The following FBXO21 variants were observed in gnomAD, a reference collection of about 807,000 sequenced individuals.
The protein encoded by FBXO21 is F-box only protein 21.
A neutral mutation model predicts 76.6 loss-of-function variants in FBXO21; 32 were observed. The ratio of observed to expected loss-of-function variants is 0.42; its 90% CI spans 0.32 to 0.56. The LOEUF is 0.56. Among genes scored for constraint, FBXO21 ranks in the 20% least tolerant of loss-of-function variants. The pLI is 0.16. For synonymous variants in FBXO21, 328 were observed against 311.5 expected (o/e 1.05, Z -0.56); for missense variants, 586 against 797.3 (o/e 0.73, Z 3.19).
rs192106949 is a variant in FBXO21 at position 117,188,187 on chromosome 12, G to T, written c.375+1040C>A. Among the ~76,000 whole-genome samples the T allele has an allele frequency of 2.5e-3, 382 of 152,290 alleles. 2 individuals are homozygous for T. Among genetic ancestry groups the T allele is most frequent in the African/African-American group, 8.6e-3 (357 of 41,562 alleles). On this transcript the variant is annotated intron_variant, in intron 2 of 11. Transcript: ENST00000622495. The stretch of plus-strand genomic sequence containing the variant: ...AGAAATAAATATCGAATAGTTTGTT[G>T]AACTCAAAACATTAGTGTGGATTAT...
intron 3 of FBXO21, among the ~76,000 whole-genome samples, chr12:117,183,718 T>C (rs889101487): frequency 2.0e-5 from 3 of 152,252 alleles, no homozygotes; most frequent in Non-Finnish European, 4.4e-5. Context: ...TATAGAAGTG[T>C]CTGCTCTTTC....
chr12:117,188,634 A>G (rs1272642483), intron 2 of FBXO21: 1 of 148,794 alleles, frequency 6.7e-6, no homozygotes, highest in Non-Finnish European at 1.5e-5. Flanking sequence ...AAAACCCACC[A>G]TGTATTTCTG....
At chr12:117,173,713 T>C (rs1956141493) in intron 6 of FBXO21, among the ~76,000 whole-genome samples, 1 of 152,168 alleles carries the variant, frequency 6.6e-6, no homozygotes, top group South Asian at 2.1e-4. Context: ...ATATGGAGGA[T>C]ACTCCATGAG....
rs946435960 is a variant in FBXO21 at position 117,158,176 on chromosome 12, G to T, written c.1327-113C>A. 1.5e-5 allele frequency: 18 copies of T among 1,220,952 alleles called. No homozygotes were observed. In the African/African-American group the frequency reaches 2.5e-4, roughly 17 times the overall value. 75.6% of individuals were successfully genotyped at this position (1,220,952 alleles called of 1,614,324 possible). On this transcript the variant is annotated intron_variant, in intron 9 of 11. Coordinates refer to ENST00000622495, the MANE Select transcript of FBXO21 (RefSeq NM_015002.3). ...AACCTAACAAAGCAAAGGACCAAAA[G>T]GGGTGGCTATGCCCTGATCGAACCG...
chr12:117,183,076 AGAGT>A (rs913079699), intron 3 of FBXO21, among the ~76,000 whole-genome samples: 4 of 152,188 alleles, frequency 2.6e-5, no homozygotes, highest in African/African-American at 9.6e-5. Context: ...CTGGGTGACA[AGAGT>A]GAGACTCTGT....
intron 4 of FBXO21, among the ~76,000 whole-genome samples, chr12:117,175,891 A>C (rs1566005296): frequency 6.6e-6 from 1 of 152,244 alleles, no homozygotes; most frequent in Non-Finnish European, 1.5e-5. Flanking sequence ...TTGTATTTAG[A>C]AAATGAAAAA....
intron 8 of FBXO21, 90 bp from the exon 9 acceptor site, chr12:117,165,707 A>T: frequency 7.6e-7 from 1 of 1,312,810 alleles, no homozygotes; most frequent in Non-Finnish European, 1.0e-6. Context: ...AATATAATTG[A>T]CACAAATCCC....
At chr12:117,184,041 T>G (rs1956260001) in intron 3 of FBXO21, among the ~76,000 whole-genome samples, 1 of 152,078 alleles carries the variant, frequency 6.6e-6, no homozygotes, top group South Asian at 2.1e-4. Flanking sequence ...CTGTGCTGTT[T>G]GGATTATAAG....
chr12:117,149,795 T>A (rs1367063629), intron 11 of FBXO21, among the ~76,000 whole-genome samples: 1 of 152,216 alleles, frequency 6.6e-6, no homozygotes, highest in Non-Finnish European at 1.5e-5. Context: ...GTTGGTAACA[T>A]TCGGCTTCTG....
chr12:117,157,705 G>GA (rs138775867), intron 10 of FBXO21, among the ~76,000 whole-genome samples, 168 bp downstream of exon 10: 9,484 of 150,966 alleles, frequency 0.063, 368 homozygotes, highest in East Asian at 0.15. Flanking sequence ...GGTTCAAAAA[G>GA]AAAAAAAAAG....
chr12:117,152,311 C>T (rs1456467528), intron 11 of FBXO21, among the ~76,000 whole-genome samples: 1 of 151,940 alleles, frequency 6.6e-6, no homozygotes, highest in Admixed American at 6.6e-5. Context: ...TACAAAAACA[C>T]AAAAAATAGC....
At chr12:117,161,160 C>T (rs1374043675) in intron 9 of FBXO21, among the ~76,000 whole-genome samples, 1 of 152,090 alleles carries the variant, frequency 6.6e-6, no homozygotes, top group African/African-American at 2.4e-5. Context: ...TGGCCGCACA[C>T]AGGAACCAGG....
chr12:117,182,603 C>A (rs980333433), intron 3 of FBXO21, among the ~76,000 whole-genome samples: 2 of 126,044 alleles, frequency 1.6e-5, no homozygotes, highest in Non-Finnish European at 3.1e-5. Context: ...GAGTCTGTCG[C>A]CCAGGCTGGA....
At chr12:117,158,539 CT>C (rs1955942873) in intron 9 of FBXO21, among the ~76,000 whole-genome samples, 1 of 152,170 alleles carries the variant, frequency 6.6e-6, no homozygotes, top group African/African-American at 2.4e-5. Flanking sequence ...TGCTAAATTG[CT>C]TTAATCGAGA....
Position 117,167,745 on chromosome 12 carries a change from C to CCA in FBXO21, c.1014-669_1014-668insTG, listed in dbSNP as rs1491127102. ...TGGGCGACAGAAAAAGACTCTGTCT[C>CCA]AAAAAAAAAAAAAAAAAGTTACAGC... On this transcript the variant is annotated intron_variant, in intron 7 of 11. Transcript: ENST00000622495. Among the ~76,000 whole-genome samples the CCA allele has an allele frequency of 2.6e-3, 351 of 134,508 alleles. 2 individuals are homozygous for CCA. The highest frequency in any genetic ancestry group is 9.7e-3 in the African/African-American group (337 of 34,908). 88.2% of individuals were successfully genotyped at this position (134,508 alleles called of 152,430 possible).
chr12:117,143,742 C>T lies in FBXO21; in HGVS notation c.*2345G>A, dbSNP rs1955738927. 6.6e-6 allele frequency: 1 copy of T among 152,606 alleles called. No homozygotes were observed. Among genetic ancestry groups the T allele is most frequent in the African/African-American group, 2.4e-5 (1 of 41,446 alleles). The allele number at this position is 152,606 out of a possible 1,614,324, so 9.5% of individuals were successfully genotyped here. ...ACATTCTACTCAAGTCATGGCTGGG[C>T]TTTCTGTCCTCAAACGAAATTGGGC... On this transcript the variant is annotated 3_prime_UTR_variant, in exon 12 of 12. Coordinates refer to ENST00000622495, the MANE Select transcript of FBXO21 (RefSeq NM_015002.3).
chr12:117,179,580 C>G (rs1373953794), intron 3 of FBXO21, among the ~76,000 whole-genome samples: 2 of 152,068 alleles, frequency 1.3e-5, no homozygotes, highest in Non-Finnish European at 2.9e-5. Flanking sequence ...GTCTTCTGAT[C>G]TCCTGTAAAT....
At chr12:117,153,350 T>C (rs1188337820) in intron 11 of FBXO21, among the ~76,000 whole-genome samples, 2 of 151,954 alleles carry the variant, frequency 1.3e-5, no homozygotes, top group East Asian at 1.9e-4. Context: ...AAGGGGGGTA[T>C]GGGGGCACAA....
rs1369081192 is a variant in FBXO21, at chr12:117,142,172, A to C, written c.*3915T>G. On this transcript the variant is annotated 3_prime_UTR_variant, in exon 12 of 12. Transcript: ENST00000622495. The stretch of plus-strand genomic sequence containing the variant: ...TCAAGGTTAAAGTCGCTGCTAGACC[A>C]AGGCTAAACCGTGGCGAGGTAGTTG... The C allele has an allele frequency of 6.6e-6, 1 of 152,228 alleles. No homozygotes were observed. The highest frequency in any genetic ancestry group is 2.4e-5 in the African/African-American group (1 of 41,456). 9.4% of individuals were successfully genotyped at this position (152,228 alleles called of 1,614,324 possible). A position where few individuals can be genotyped will look rare whatever the true frequency, so the allele number is the denominator to read the frequency against.
Sources: gnomAD v4.1 joint callset for allele counts (sites outside exome capture counted in the v4.1 genomes callset) on GRCh38, gnomAD v4.1.1 for gene constraint, MANE v1.5 for transcripts, NCBI Gene and HGNC (gene_info 2026-07-23, HGNC 2026-07-21) for gene names.